Variants in RASA1 observed in about 807,000 individuals in gnomAD.
RASA1 encodes the protein ras GTPase-activating protein 1.
RASA1 carries 25 observed loss-of-function variants against 132.2 expected under a neutral mutation model. The ratio of observed to expected loss-of-function variants is 0.19; its 90% CI spans 0.14 to 0.26. The LOEUF (loss-of-function observed/expected upper bound fraction) is 0.26. Ranked by LOEUF, RASA1 falls within the 10% of genes least tolerant of loss-of-function variation. The probability of loss-of-function intolerance (pLI) is 1.00; values close to 1 mark genes in which losing one functional copy is unlikely to be tolerated. For missense variants in RASA1, 964 were observed against 1,299.2 expected (o/e 0.74, Z 3.97); for synonymous variants, 477 against 449.9 (o/e 1.06, Z -0.76).
chr5:87,310,559 C>G (rs1309414227), intron 1 of RASA1, among the ~76,000 whole-genome samples: 2 of 151,984 alleles, frequency 1.3e-5, no homozygotes, highest in African/African-American at 4.8e-5. Flanking sequence ...AATTTTGTTA[C>G]AATATTCGTG....
chr5:87,389,372 A>G, intron 23 of RASA1, 21 bp from the exon 24 acceptor site: 1 of 1,613,784 alleles, frequency 6.2e-7, no homozygotes, highest in African/African-American at 1.3e-5. Flanking sequence ...TTCTAAATGC[A>G]ATTTTACGAT....
intron 20 of RASA1, among the ~76,000 whole-genome samples, chr5:87,383,506 G>A (rs537493271): frequency 6.6e-6 from 1 of 152,026 alleles, no homozygotes; most frequent in Non-Finnish European, 1.5e-5. Context: ...ATACATTCAA[G>A]AAGCAGATAT....
intron 9 of RASA1, 106 bp from the exon 10 acceptor site, chr5:87,362,445 A>G (rs1232523730): frequency 1.1e-5 from 12 of 1,104,470 alleles, no homozygotes; most frequent in Non-Finnish European, 1.2e-5. Context: ...GTGTATCTAG[A>G]TTTTAGTATT....
intron 1 of RASA1, chr5:87,318,415 T>C (rs1471371899): frequency 6.6e-6 from 1 of 152,126 alleles, no homozygotes; most frequent in Non-Finnish European, 1.5e-5. Context: ...TGAGACTGGG[T>C]AGTTTATAAA....
At chr5:87,306,213 A>G (rs1755602750) in intron 1 of RASA1, among the ~76,000 whole-genome samples, 1 of 152,202 alleles carries the variant, frequency 6.6e-6, no homozygotes, top group African/African-American at 2.4e-5. Flanking sequence ...ACATGGAATC[A>G]GTCTAAATGC....
chr5:87,310,051 A>G (rs1020059714), intron 1 of RASA1, among the ~76,000 whole-genome samples: 1 of 152,134 alleles, frequency 6.6e-6, no homozygotes, highest in Non-Finnish European at 1.5e-5. Flanking sequence ...GAGAGGTAAT[A>G]TAATGTTTTG....
intron 8 of RASA1, among the ~76,000 whole-genome samples, chr5:87,351,708 C>A (rs781561023): frequency 4.0e-5 from 6 of 151,506 alleles, no homozygotes; most frequent in Non-Finnish European, 8.9e-5. Context: ...GGTGTTTCTG[C>A]GTAGAGTATA....
intron 9 of RASA1, among the ~76,000 whole-genome samples, chr5:87,355,562 G>A (rs913091002): frequency 1.3e-5 from 2 of 152,208 alleles, no homozygotes; most frequent in African/African-American, 2.4e-5. Flanking sequence ...AGATAGAGAT[G>A]TACAAGGAGA....
intron 1 of RASA1, among the ~76,000 whole-genome samples, chr5:87,309,896 ATT>A: frequency 1.3e-5 from 2 of 152,040 alleles, no homozygotes; most frequent in Non-Finnish European, 2.9e-5. Context: ...TTTGTTGAAT[ATT>A]TTTTGTGATA....
At chr5:87,287,159 C>CACCA (rs1323655093) in intron 1 of RASA1, among the ~76,000 whole-genome samples, 2 of 141,812 alleles carry the variant, frequency 1.4e-5, no homozygotes, top group African/African-American at 5.2e-5. Flanking sequence ...TATATATACA[C>CACCA]TGTATATATA....
intron 6 of RASA1, 106 bp downstream of exon 6, chr5:87,341,427 T>G: frequency 1.6e-6 from 1 of 636,250 alleles, no homozygotes; most frequent in Non-Finnish European, 2.3e-6. Flanking sequence ...TTGGACTGAC[T>G]TAACTTTTAA....
In RASA1 at chr5:87,349,277, AT is replaced by A. The variant is rs1356602196; in HGVS notation, c.1169del (p.Phe390SerfsTer21). On this transcript the variant is annotated frameshift_variant, in exon 8 of 25. Coordinates refer to ENST00000274376, the MANE Select transcript of RASA1 (RefSeq NM_002890.3). LOFTEE classifies it high-confidence loss of function. ...AATACTCCTGGCGATTATTCACTTT[AT>A]TTCCGGACCAATGAAAATATTCAGC... ...SDNTPGDYSL[Y>X]FRTNENIQRF... is the part of the protein sequence containing the mutation. The A allele has an allele frequency of 6.2e-7, 1 of 1,612,172 alleles. No individual in the cohort carries two copies. The highest frequency in any genetic ancestry group is 8.5e-7 in the Non-Finnish European group (1 of 1,178,798).
intron 1 of RASA1, among the ~76,000 whole-genome samples, chr5:87,330,123 A>G (rs1357598761): frequency 1.3e-5 from 2 of 152,158 alleles, no homozygotes; most frequent in Non-Finnish European, 2.9e-5. Flanking sequence ...CATTATTTTC[A>G]GCCTTATGCA....
Position 87,314,246 on chromosome 5 carries a change from T to A in RASA1, c.540-17102T>A, listed in dbSNP as rs529427581. Among the ~76,000 whole-genome samples, 4 of 152,306 alleles carry A rather than the reference T, an allele frequency of 2.6e-5. No homozygotes were observed. The South Asian group carries it at 8.3e-4, about 32-fold the overall frequency. ...GGTTTGTTTAAGAAATGACAGGTAG[T>A]CCAGTGGAGACTGGCCAAGCCATAA... On this transcript the variant is annotated intron_variant, in intron 1 of 24. Transcript: ENST00000274376.
At chr5:87,301,444 C>A (rs1205844046) in intron 1 of RASA1, among the ~76,000 whole-genome samples, 1 of 149,614 alleles carries the variant, frequency 6.7e-6, no homozygotes, top group Admixed American at 6.7e-5. Flanking sequence ...CTTAAAGAAC[C>A]CCAGAATATT....
chr5:87,289,504 A>G (rs1229485189), intron 1 of RASA1, among the ~76,000 whole-genome samples: 1 of 152,162 alleles, frequency 6.6e-6, no homozygotes, highest in Non-Finnish European at 1.5e-5. Context: ...ATTAGTTGGC[A>G]ATCTTCATTA....
intron 1 of RASA1, among the ~76,000 whole-genome samples, chr5:87,316,118 A>G (rs982185242): frequency 4.6e-5 from 7 of 152,216 alleles, no homozygotes; most frequent in African/African-American, 1.4e-4. Flanking sequence ...GAATGCTCTG[A>G]GACCAGATCT....
chr5:87,292,510 C>T (rs929348897), intron 1 of RASA1, among the ~76,000 whole-genome samples: 1 of 151,362 alleles, frequency 6.6e-6, no homozygotes, highest in South Asian at 2.1e-4. Context: ...GTTTCCTGTT[C>T]CGTTCCATTG....
chr5:87,291,773 A>T (rs1561260405), intron 1 of RASA1, among the ~76,000 whole-genome samples: 1 of 152,162 alleles, frequency 6.6e-6, no homozygotes, highest in Non-Finnish European at 1.5e-5. Context: ...TTCCACCATG[A>T]GTAAAAGCTC....
Sources: allele counts gnomAD v4.1 joint callset (sites outside exome capture counted in the v4.1 genomes callset), GRCh38; gene constraint gnomAD v4.1.1; transcripts MANE v1.5; gene names NCBI Gene and HGNC (gene_info 2026-07-23, HGNC 2026-07-21).